PRKN: variants seen among roughly 807,000 people sequenced by gnomAD.
PRKN encodes E3 ubiquitin-protein ligase parkin.
PRKN carries 56 observed loss-of-function variants against 59.5 expected under a neutral mutation model. The ratio of observed to expected loss-of-function variants is 0.94; its 90% CI spans 0.76 to 1.18. The LOEUF (loss-of-function observed/expected upper bound fraction) is 1.18. Among genes scored for constraint, PRKN ranks in the 50% most tolerant of loss-of-function variants. The pLI, the probability that PRKN is intolerant of heterozygous loss-of-function variation, is 0.00. For synonymous variants in PRKN, 250 were observed against 222.1 expected, an observed-to-expected ratio of 1.13 and a Z score of -1.12; for missense variants, 657 against 596.4, an observed-to-expected ratio of 1.10 and a Z score of -1.06.
intron 1 of PRKN, among the ~76,000 whole-genome samples, chr6:162,649,958 T>G (rs1176959540): frequency 6.6e-6 from 1 of 152,174 alleles, no homozygotes; most frequent in East Asian, 1.9e-4. Context: ...AATCTGAACA[T>G]TCTGCCTGGG....
At chr6:162,316,556 GACAA>G (rs1388889443) in intron 2 of PRKN, among the ~76,000 whole-genome samples, 1 of 151,624 alleles carries the variant, frequency 6.6e-6, no homozygotes, top group Non-Finnish European at 1.5e-5. Flanking sequence ...ACATTCCACC[GACAA>G]ACAGCCAAAA....
chr6:162,097,957 G>C (rs1407844507), intron 4 of PRKN, among the ~76,000 whole-genome samples: 2 of 152,150 alleles, frequency 1.3e-5, no homozygotes, highest in Admixed American at 1.3e-4. Context: ...CTTGGTAAGA[G>C]CGTTGACCAT....
intron 4 of PRKN, among the ~76,000 whole-genome samples, chr6:162,078,055 T>C (rs1268231953): frequency 6.6e-6 from 1 of 150,918 alleles, no homozygotes; most frequent in African/African-American, 2.4e-5. Context: ...AGCATACACC[T>C]ACATTTCAAC....
At position 162,637,485 on chromosome 6, in the gene PRKN, C is replaced by A. The variant is rs554921416; in HGVS notation, c.7+90177G>T. 1.8e-4 allele frequency among the ~76,000 whole-genome samples: 28 copies of A among 152,250 alleles called. No homozygotes were observed. In the South Asian group the frequency reaches 5.8e-3, roughly 32 times the overall value. ...TTACATGAGAAACCCCTGAGCACAG[C>A]TGACAGGAGCTGGACATACAGGTCT... On this transcript the variant is annotated intron_variant, in intron 1 of 11. Coordinates refer to ENST00000366898, the MANE Select transcript of PRKN (RefSeq NM_004562.3).
chr6:162,508,469 T>A (rs1793701303), intron 1 of PRKN, among the ~76,000 whole-genome samples: 1 of 152,208 alleles, frequency 6.6e-6, no homozygotes, highest in South Asian at 2.1e-4. Flanking sequence ...TAAGCTGTGA[T>A]GACTAACAAT....
intron 2 of PRKN, among the ~76,000 whole-genome samples, chr6:162,328,063 TCAAACAGCACCA>T (rs1315618112): frequency 1.1e-4 from 16 of 142,688 alleles, no homozygotes; most frequent in Non-Finnish European, 2.2e-4. Flanking sequence ...AAATTGTTCC[TCAAACAGCACCA>T]CTAGGTCGGG....
rs146199003 is a variant in PRKN, at chr6:161,496,295, C to T, written c.1083+52559G>A. Among the ~76,000 whole-genome samples the T allele has an allele frequency of 4.6e-3, 697 of 152,264 alleles. 2 individuals are homozygous for T. The highest frequency in any genetic ancestry group is 0.01 in the Middle Eastern group (3 of 294). ...ACAAAGATATGCTGATGTCCTAACA[C>T]CCAGTACCTTGGAATGAGATCTTCT... On this transcript the variant is annotated intron_variant, in intron 9 of 11. Coordinates refer to ENST00000366898, the MANE Select transcript of PRKN (RefSeq NM_004562.3).
intron 2 of PRKN, among the ~76,000 whole-genome samples, chr6:162,409,380 C>T (rs1379377458): frequency 1.6e-4 from 24 of 151,884 alleles, no homozygotes; most frequent in Non-Finnish European, 2.9e-5. Context: ...TGGTCTCAAG[C>T]TTCTGGCTTA....
At chr6:161,366,851 T>G (rs961261130) in intron 10 of PRKN, among the ~76,000 whole-genome samples, 1 of 152,166 alleles carries the variant, frequency 6.6e-6, no homozygotes, top group African/African-American at 2.4e-5. Context: ...GAGGCACCCT[T>G]GGAGTCTCTC....
chr6:162,725,042 C>T (rs115604757), intron 1 of PRKN, among the ~76,000 whole-genome samples: 3,109 of 152,322 alleles, frequency 0.02, 120 homozygotes, highest in African/African-American at 0.07. Flanking sequence ...AGCTAGCCCA[C>T]CTCCGTTTGT....
chr6:162,530,306 C>T (rs1272892079), intron 1 of PRKN, among the ~76,000 whole-genome samples: 2 of 152,112 alleles, frequency 1.3e-5, no homozygotes, highest in African/African-American at 2.4e-5. Flanking sequence ...TTGCTGTAGG[C>T]AGCTGGGTAC....
At chr6:162,272,021 TGG>T (rs1780412950) in intron 2 of PRKN, among the ~76,000 whole-genome samples, 1 of 152,170 alleles carries the variant, frequency 6.6e-6, no homozygotes, top group Non-Finnish European at 1.5e-5. Context: ...AGTGCAGGCC[TGG>T]GCCTTGTCAC....
At position 162,553,841 on chromosome 6, in the gene PRKN, AAAAAAAAG is replaced by A. The variant is rs1779435981; in HGVS notation, c.8-110376_8-110369del. On this transcript the variant is annotated intron_variant, in intron 1 of 11. Coordinates refer to ENST00000366898, the MANE Select transcript of PRKN (RefSeq NM_004562.3). ...AAAAAAAAAAAAAAAAAAAAAAAAA[AAAAAAAAG>A]GGTAAAAGTGAGTGGGGAAAAGGCA... 2.6e-4 allele frequency among the ~76,000 whole-genome samples: 5 copies of A among 19,294 alleles called. 1 individual carries two copies. Among genetic ancestry groups the A allele is most frequent in the East Asian group, 8.7e-4 (1 of 1,148 alleles). The allele number at this position is 19,294 out of a possible 152,430, so 12.7% of individuals were successfully genotyped here. A position where few individuals can be genotyped will look rare whatever the true frequency, so the allele number is the denominator to read the frequency against.
At chr6:161,940,788 C>T (rs1779534889) in intron 6 of PRKN, among the ~76,000 whole-genome samples, 2 of 152,196 alleles carry the variant, frequency 1.3e-5, no homozygotes, top group Admixed American at 6.5e-5. Flanking sequence ...TTCAGGCTCC[C>T]TGCAGGCGCA....
In PRKN at chr6:161,552,166, A is replaced by G. The variant is rs965786939; in HGVS notation, c.934-3163T>C. 1.3e-5 allele frequency among the ~76,000 whole-genome samples: 2 copies of G among 152,220 alleles called. No individual in the cohort carries two copies. Among genetic ancestry groups the G allele is most frequent in the African/African-American group, 4.8e-5 (2 of 41,450 alleles). On this transcript the variant is annotated intron_variant, in intron 8 of 11. Transcript: ENST00000366898. This position sits in a 1 kb window ranked among gnomAD's most constrained non-coding sequence, Gnocchi z 4.9. The stretch of plus-strand genomic sequence containing the variant: ...CTTCTGTTTCTCTGCACCAACACTG[A>G]GCTGCAAAGGCAAAGTAGAAAGAAT...
rs116951875 is a variant in PRKN at position 161,783,219 on chromosome 6, T to G, written c.871+2553A>C. 3.9e-3 allele frequency among the ~76,000 whole-genome samples: 598 copies of G among 152,190 alleles called. 7 individuals are homozygous for G. Among genetic ancestry groups the G allele is most frequent in the Non-Finnish European group, 4.3e-3 (295 of 68,014 alleles). On this transcript the variant is annotated intron_variant, in intron 7 of 11. Coordinates refer to ENST00000366898, the MANE Select transcript of PRKN (RefSeq NM_004562.3). ...ATATTGGTGACTTTTCAATGAAAATTTGGTAACACTGGATTTGAACTGAAA... is the reference window on the plus strand; with the variant it reads ...ATATTGGTGACTTTTCAATGAAAATGTGGTAACACTGGATTTGAACTGAAA...
chr6:162,249,170 C>T (rs996074324), intron 3 of PRKN, among the ~76,000 whole-genome samples: 1 of 152,072 alleles, frequency 6.6e-6, no homozygotes, highest in Non-Finnish European at 1.5e-5. Flanking sequence ...GAGCCACCAG[C>T]TGCTTTTGCA....
intron 1 of PRKN, among the ~76,000 whole-genome samples, chr6:162,553,600 C>T (rs1779420557): frequency 1.3e-5 from 2 of 149,418 alleles, no homozygotes; most frequent in Admixed American, 6.7e-5. Flanking sequence ...CACAGACCAC[C>T]ACAGTCATTT....
rs540004300 is a variant in PRKN at position 161,352,842 on chromosome 6, C to T, written c.1286-2631G>A. ...GTCGCCCAGGCTGGAGTACAGGGCG[C>T]GATCTGGGCTCACTGCCACCTCTGC... On this transcript the variant is annotated intron_variant, in intron 11 of 11. Coordinates refer to ENST00000366898, the MANE Select transcript of PRKN (RefSeq NM_004562.3). The surrounding 1 kb of genome is among the most constrained non-coding windows in gnomAD (Gnocchi z 5.8). Among the ~76,000 whole-genome samples, 3 of 151,388 alleles carry T rather than the reference C, an allele frequency of 2.0e-5. No homozygotes were observed. Among genetic ancestry groups the T allele is most frequent in the Non-Finnish European group, 4.4e-5 (3 of 67,896 alleles).
Sources: allele counts gnomAD v4.1 joint callset (sites outside exome capture counted in the v4.1 genomes callset), GRCh38; gene constraint gnomAD v4.1.1; non-coding constraint Gnocchi (gnomAD v3.1); transcripts MANE v1.5; gene names NCBI Gene and HGNC (gene_info 2026-07-23, HGNC 2026-07-21).